SELENOI: variants seen among roughly 807,000 people sequenced by gnomAD.
SELENOI encodes ethanolaminephosphotransferase 1.
In SELENOI, 24 loss-of-function variants were observed where a neutral mutation model predicts 50.7. The observed-to-expected ratio is 0.47, with a 90% CI of 0.34 to 0.67. The LOEUF is 0.67. Ranked by LOEUF, SELENOI falls within the 30% of genes least tolerant of loss-of-function variation. SELENOI has a pLI of 0.01. For missense variants in SELENOI, 352 were observed against 461.4 expected (o/e 0.76, Z 2.17); for synonymous variants, 155 against 170.2 (o/e 0.91, Z 0.70).
intron 2 of SELENOI, 40 bp from the exon 3 acceptor site, chr2:26,364,792 C>T: frequency 7.1e-7 from 1 of 1,416,416 alleles, no homozygotes; most frequent in Non-Finnish European, 9.8e-7. Context: ...GACAGAGATT[C>T]CTCTACTTTA....
At chr2:26,379,394 C>T (rs11678646) in intron 6 of SELENOI, among the ~76,000 whole-genome samples, 42,329 of 151,956 alleles carry the variant, frequency 0.28, 6,886 homozygotes, top group Non-Finnish European at 0.35. Context: ...TTCCTGGTTG[C>T]GGTCTCATGG....
rs1414740261 is a variant in SELENOI, at chr2:26,362,422, T to C, written c.58-1880T>C. Among the ~76,000 whole-genome samples the C allele has an allele frequency of 5.3e-5, 8 of 152,356 alleles. No individual in the cohort carries two copies. The South Asian group carries it at 1.2e-3, about 24-fold the overall frequency. On this transcript the variant is annotated intron_variant, in intron 1 of 9. Transcript: ENST00000260585. ...GATTTTTAAAAATCAGATACTCAAA[T>C]GATTACTACTTATTTTGTATACATA...
chr2:26,374,326 A>G (rs1240815790), intron 5 of SELENOI, among the ~76,000 whole-genome samples: 2 of 152,078 alleles, frequency 1.3e-5, no homozygotes, highest in Admixed American at 6.6e-5. Context: ...TGGCCTTGCT[A>G]TTAACTCTCC....
intron 6 of SELENOI, among the ~76,000 whole-genome samples, chr2:26,380,817 A>G (rs1558421027): frequency 2.6e-5 from 4 of 152,066 alleles, no homozygotes; most frequent in Non-Finnish European, 4.4e-5. Context: ...CTTTTTGCCA[A>G]TCTGATAGGT....
intron 8 of SELENOI, among the ~76,000 whole-genome samples, chr2:26,385,419 T>A (rs1485538825): frequency 6.6e-6 from 1 of 152,154 alleles, no homozygotes; most frequent in Non-Finnish European, 1.5e-5. Flanking sequence ...TGGAAAAAAT[T>A]TATAGATTCC....
chr2:26,376,246 T>C (rs1677565157), intron 6 of SELENOI, among the ~76,000 whole-genome samples: 1 of 152,230 alleles, frequency 6.6e-6, no homozygotes, highest in South Asian at 2.1e-4. Context: ...GGCTTTTTTC[T>C]GTAGCTCTAG....
At chr2:26,370,544 ACG>A (rs1677396597) in intron 4 of SELENOI, among the ~76,000 whole-genome samples, 1 of 113,298 alleles carries the variant, frequency 8.8e-6, no homozygotes, top group Non-Finnish European at 1.9e-5. Flanking sequence ...GGGGCTCCTC[ACG>A]TCCCAGTAGG....
intron 1 of SELENOI, among the ~76,000 whole-genome samples, chr2:26,359,381 G>T (rs1426597810): frequency 6.6e-6 from 1 of 152,184 alleles, no homozygotes; most frequent in African/African-American, 2.4e-5. Context: ...AGTGGTACTT[G>T]CCTGTAATCC....
chr2:26,376,091 CAAAAAAAAA>C (rs57146815), intron 6 of SELENOI, among the ~76,000 whole-genome samples: 1,450 of 81,222 alleles, frequency 0.018, 31 homozygotes, highest in African/African-American at 0.058. Context: ...GACCCTGTCT[CAAAAAAAAA>C]AAAAAAAAAG....
intron 1 of SELENOI, among the ~76,000 whole-genome samples, chr2:26,350,576 C>A (rs1336409287): frequency 6.6e-6 from 1 of 152,196 alleles, no homozygotes; most frequent in East Asian, 1.9e-4. Flanking sequence ...TACTCAGTGT[C>A]AGGCATAGCA....
intron 1 of SELENOI, among the ~76,000 whole-genome samples, chr2:26,350,992 C>T (rs933568726): frequency 1.3e-4 from 19 of 151,688 alleles, no homozygotes; most frequent in East Asian, 3.9e-4. Flanking sequence ...TAGATTAATT[C>T]GCCTGTACTT....
At chr2:26,382,174 A>G (rs969458277) in intron 6 of SELENOI, among the ~76,000 whole-genome samples, 2 of 152,282 alleles carry the variant, frequency 1.3e-5, no homozygotes, top group Non-Finnish European at 2.9e-5. Flanking sequence ...CCAAGAGTCC[A>G]TAATTAGATA....
At position 26,370,017 on chromosome 2, in the gene SELENOI, G is replaced by A. The variant is rs377198678; in HGVS notation, c.310+2797G>A. 1.8e-4 allele frequency among the ~76,000 whole-genome samples: 27 copies of A among 150,074 alleles called. No homozygotes were observed. The South Asian group carries it at 2.3e-3, about 13-fold the overall frequency. On this transcript the variant is annotated intron_variant, in intron 4 of 9. Coordinates refer to ENST00000260585, the MANE Select transcript of SELENOI (RefSeq NM_033505.4). ...AGAGGACCCTGTGGCCTTCCGCAGCGTTTGTGTCCCTGGGTACTTGAGATT... is the reference window on the plus strand; with the variant it reads ...AGAGGACCCTGTGGCCTTCCGCAGCATTTGTGTCCCTGGGTACTTGAGATT...
intron 9 of SELENOI, among the ~76,000 whole-genome samples, chr2:26,388,578 C>A (rs539975375): frequency 6.6e-6 from 1 of 152,286 alleles, no homozygotes; most frequent in South Asian, 2.1e-4. Context: ...ACTAGAGATA[C>A]CCTAACTAAT....
chr2:26,384,890 A>G, intron 7 of SELENOI, 69 bp from the exon 8 acceptor site: 1 of 1,077,152 alleles, frequency 9.3e-7, no homozygotes. Context: ...GAAACTATAA[A>G]CTACAGTACA....
At chr2:26,360,498 G>A (rs112076272) in intron 1 of SELENOI, among the ~76,000 whole-genome samples, 178 of 152,306 alleles carry the variant, frequency 1.2e-3, no homozygotes, top group African/African-American at 4.0e-3. Flanking sequence ...CCTTAAAGAC[G>A]TTCTTTTAGA....
intron 6 of SELENOI, among the ~76,000 whole-genome samples, chr2:26,377,171 A>G (rs757366054): frequency 1.3e-5 from 2 of 152,218 alleles, no homozygotes; most frequent in Non-Finnish European, 2.9e-5. Context: ...TTTGCCTGAT[A>G]CTGTCCTAAA....
At chr2:26,368,240 A>G (rs1328480791) in intron 4 of SELENOI, among the ~76,000 whole-genome samples, 1 of 152,234 alleles carries the variant, frequency 6.6e-6, no homozygotes, top group Non-Finnish European at 1.5e-5. Context: ...GAATTAAGGG[A>G]AAGCTTAGTT....
At position 26,367,229 on chromosome 2, in the gene SELENOI, T is replaced by C. The variant is rs2147951480; in HGVS notation, c.310+9T>C. 6.2e-7 allele frequency: 1 copy of C among 1,600,206 alleles called. No homozygotes were observed. The highest frequency in any genetic ancestry group is 2.2e-5 in the East Asian group (1 of 44,668). On this transcript the variant is annotated intron_variant, in intron 4 of 9. Transcript: ENST00000260585. Reference sequence around the variant, plus strand: ...CGTAGCCTACACTCTAGGTAAGGAATTGGTAAATACTTACTATAGTCAGTG... The same window carrying C: ...CGTAGCCTACACTCTAGGTAAGGAACTGGTAAATACTTACTATAGTCAGTG...
Sources: gnomAD v4.1 joint callset for allele counts (sites outside exome capture counted in the v4.1 genomes callset) on GRCh38, gnomAD v4.1.1 for gene constraint, MANE v1.5 for transcripts, NCBI Gene and HGNC (gene_info 2026-07-23, HGNC 2026-07-21) for gene names.